The following ATRNL1 variants were observed in gnomAD, a reference collection of about 807,000 sequenced individuals.
The protein encoded by ATRNL1 is attractin like 1, also known as attractin-like protein 1.
Under a neutral mutation model 182.7 loss-of-function variants are expected in ATRNL1, and 95 were observed. That is an observed-to-expected ratio of 0.52 (90% CI 0.44 to 0.62). The LOEUF (loss-of-function observed/expected upper bound fraction) is 0.62. ATRNL1 is among the 20% of genes least tolerant of loss of function. The pLI, the probability that ATRNL1 is intolerant of heterozygous loss-of-function variation, is 0.00. For synonymous variants in ATRNL1, 576 were observed against 568.3 expected, an observed-to-expected ratio of 1.01 and a Z score of -0.19; for missense variants, 1,471 against 1,679.5, an observed-to-expected ratio of 0.88 and a Z score of 2.17.
intron 26 of ATRNL1, among the ~76,000 whole-genome samples, chr10:115,721,990 A>G (rs1947441517): frequency 6.6e-6 from 1 of 152,206 alleles, no homozygotes; most frequent in Admixed American, 6.5e-5. Flanking sequence ...TGAATAATGA[A>G]GAAAAAATAA....
At chr10:115,438,738 T>C (rs1846524528) in intron 21 of ATRNL1, among the ~76,000 whole-genome samples, 1 of 151,962 alleles carries the variant, frequency 6.6e-6, no homozygotes, top group Non-Finnish European at 1.5e-5. Context: ...AACTTAATCC[T>C]GGGCATATTC....
Position 115,093,967 on chromosome 10 carries a change from C to T in ATRNL1, c.217C>T (p.Arg73Cys). The T allele has an allele frequency of 6.3e-7, 1 of 1,587,456 alleles. No homozygotes were observed. The highest frequency in any genetic ancestry group is 8.6e-7 in the Non-Finnish European group (1 of 1,168,862). ...CERTGSCFSG[R>C]CVNSTCLCDP... Reference sequence around the variant, plus strand: ...GAGGACCGGCTCCTGCTTCTCGGGCCGCTGTGTCAACTCCACCTGCCTCTG... The same window carrying T: ...GAGGACCGGCTCCTGCTTCTCGGGCTGCTGTGTCAACTCCACCTGCCTCTG... Residue 73 changes from arginine (R) to cysteine (C), a missense_variant, in exon 1 of 29, where the codon CGC becomes TGC. Physicochemically the swap from Arg to Cys is radical, Grantham distance 180. Around this residue, in one of 3 missense-constraint regions of ATRNL1, gnomAD observed 1,031 missense variants for 1,156.0 expected, o/e 0.89. Coordinates refer to ENST00000355044, the MANE Select transcript of ATRNL1 (RefSeq NM_207303.4). The surrounding 1 kb of genome is among the most constrained non-coding windows in gnomAD (Gnocchi z 6.1).
intron 28 of ATRNL1, among the ~76,000 whole-genome samples, chr10:115,887,167 A>C (rs570284372): frequency 3.9e-5 from 6 of 152,216 alleles, no homozygotes; most frequent in Non-Finnish European, 8.8e-5. Context: ...TTGCATATTC[A>C]AGTTTGAGAT....
chr10:115,191,091 G>A (rs1848152451), intron 8 of ATRNL1, among the ~76,000 whole-genome samples: 1 of 152,000 alleles, frequency 6.6e-6, no homozygotes, highest in South Asian at 2.1e-4. Context: ...TTGTGTATAT[G>A]CATAGAATTT....
intron 13 of ATRNL1, among the ~76,000 whole-genome samples, chr10:115,275,821 T>G (rs782596818): frequency 3.3e-5 from 5 of 152,026 alleles, no homozygotes; most frequent in Admixed American, 6.6e-5. Context: ...CATTCCAATC[T>G]CCCTAAGCCA....
intron 21 of ATRNL1, among the ~76,000 whole-genome samples, chr10:115,442,879 T>A (rs73369798): frequency 2.0e-5 from 3 of 152,040 alleles, no homozygotes; most frequent in African/African-American, 7.2e-5. Flanking sequence ...AAGATTAATC[T>A]GAGGAGAACA....
At chr10:115,657,662 C>T (rs1266871779) in intron 26 of ATRNL1, among the ~76,000 whole-genome samples, 2 of 152,098 alleles carry the variant, frequency 1.3e-5, no homozygotes, top group Non-Finnish European at 2.9e-5. Context: ...AATTCCCGGC[C>T]CATTAAATGC....
chr10:115,273,105 A>G lies in ATRNL1; in HGVS notation c.2100+4661A>G, dbSNP rs1299117238. Among the ~76,000 whole-genome samples, 5 of 152,078 alleles carry G rather than the reference A, an allele frequency of 3.3e-5. 1 individual carries two copies. The highest frequency in any genetic ancestry group is 7.4e-5 in the Non-Finnish European group (5 of 68,016). On this transcript the variant is annotated intron_variant, in intron 13 of 28. Transcript: ENST00000355044. ...CCTAGGGGGATGGCACCATATCAGG[A>G]GCTCAGTGTTGGTTTCTGCTACTGG...
chr10:115,416,806 G>T (rs1845411503), intron 20 of ATRNL1, among the ~76,000 whole-genome samples: 2 of 152,136 alleles, frequency 1.3e-5, no homozygotes, highest in African/African-American at 4.8e-5. Flanking sequence ...TAACAAAAAA[G>T]AAAATGTTAT....
chr10:115,125,889 A>G (rs1844950715), intron 3 of ATRNL1, among the ~76,000 whole-genome samples: 1 of 152,194 alleles, frequency 6.6e-6, no homozygotes, highest in Non-Finnish European at 1.5e-5. Flanking sequence ...AATGACCTCA[A>G]TGCCTGGGCA....
At position 115,787,180 on chromosome 10, in the gene ATRNL1, G is replaced by A. The variant is rs1949417540; in HGVS notation, c.3903+59825G>A. Among the ~76,000 whole-genome samples the A allele has an allele frequency of 2.0e-5, 3 of 152,082 alleles. No individual in the cohort carries two copies. The South Asian group carries it at 6.2e-4, about 32-fold the overall frequency. On this transcript the variant is annotated intron_variant, in intron 27 of 28. Coordinates refer to ENST00000355044, the MANE Select transcript of ATRNL1 (RefSeq NM_207303.4). ...TCAATGTGTAAGCTGCTAGTGATTT[G>A]GGAAGCATCTTTGTATTCAATAGTC...
intron 27 of ATRNL1, among the ~76,000 whole-genome samples, chr10:115,780,087 C>T (rs782136664): frequency 6.6e-6 from 1 of 152,186 alleles, no homozygotes; most frequent in Non-Finnish European, 1.5e-5. Flanking sequence ...TAAATTGCCA[C>T]TGCCACTCCT....
chr10:115,184,631 A>C (rs992916581), intron 8 of ATRNL1, among the ~76,000 whole-genome samples: 4 of 151,786 alleles, frequency 2.6e-5, no homozygotes, highest in Non-Finnish European at 5.9e-5. Flanking sequence ...ATGAAAGTAT[A>C]TTTACCTGTG....
intron 5 of ATRNL1, among the ~76,000 whole-genome samples, chr10:115,137,691 A>G (rs1416791863): frequency 6.6e-6 from 1 of 152,044 alleles, no homozygotes; most frequent in East Asian, 1.9e-4. Flanking sequence ...TGATTCAGTT[A>G]CCTCCTACTG....
At chr10:115,203,848 T>A (rs1167671694) in intron 8 of ATRNL1, among the ~76,000 whole-genome samples, 5 of 150,584 alleles carry the variant, frequency 3.3e-5, no homozygotes, top group African/African-American at 4.9e-5. Context: ...CCTCCTGTCT[T>A]GGCCTCCCAA....
At chr10:115,573,830 A>G (rs1243702738) in intron 26 of ATRNL1, among the ~76,000 whole-genome samples, 1 of 152,188 alleles carries the variant, frequency 6.6e-6, no homozygotes, top group African/African-American at 2.4e-5. Context: ...AAAAGTCAGT[A>G]TGGGCACAGA....
In ATRNL1 at chr10:115,469,861, G is replaced by A. The variant is rs369092516; in HGVS notation, c.3654+532G>A. 2.7e-5 allele frequency among the ~76,000 whole-genome samples: 4 copies of A among 150,518 alleles called. No individual in the cohort carries two copies. The East Asian group carries it at 7.8e-4, about 29-fold the overall frequency. On this transcript the variant is annotated intron_variant, in intron 24 of 28. Transcript: ENST00000355044. ...TAGAGGTAGTCTACTTAAGACGTCA[G>A]ATTTACTTCTAGGAAAGAATTGGAA... is the stretch of plus-strand genomic sequence containing the variant.
chr10:115,674,291 A>G (rs1945792999), intron 26 of ATRNL1, among the ~76,000 whole-genome samples: 1 of 152,034 alleles, frequency 6.6e-6, no homozygotes, highest in African/African-American at 2.4e-5. Context: ...TAAACATGAC[A>G]TTTCTGATGT....
At chr10:115,534,386 G>A (rs1337506281) in intron 25 of ATRNL1, among the ~76,000 whole-genome samples, 488 of 152,198 alleles carry the variant, frequency 3.2e-3, no homozygotes, top group African/African-American at 0.011. Context: ...TCTGATCTTT[G>A]TTGGTTTAAA....
Sources: allele counts gnomAD v4.1 joint callset (sites outside exome capture counted in the v4.1 genomes callset), GRCh38; gene constraint gnomAD v4.1.1; regional missense constraint gnomAD v4.1.1; non-coding constraint Gnocchi (gnomAD v3.1); transcripts MANE v1.5; gene names NCBI Gene and HGNC (gene_info 2026-07-23, HGNC 2026-07-21).